Variants in CACNG2 observed in about 807,000 individuals in gnomAD.
The protein encoded by CACNG2 is calcium voltage-gated channel auxiliary subunit gamma 2.
CACNG2 carries 3 observed loss-of-function variants against 25.9 expected under a neutral mutation model. That is an observed-to-expected ratio of 0.12 (90% CI 0.05 to 0.30). CACNG2 has a LOEUF of 0.30. Among genes scored for constraint, CACNG2 ranks in the 10% least tolerant of loss-of-function variants. The pLI is 1.00. For synonymous variants in CACNG2, 167 were observed against 173.3 expected (o/e 0.96, Z 0.29); for missense variants, 341 against 432.5 (o/e 0.79, Z 1.88).
chr22:36,637,473 G>A (rs1936375062), intron 1 of CACNG2, among the ~76,000 whole-genome samples: 1 of 152,110 alleles, frequency 6.6e-6, no homozygotes, highest in Non-Finnish European at 1.5e-5. Flanking sequence ...TGTTTACGTA[G>A]GCAGTAGAGC....
At chr22:36,637,500 CA>C (rs1308506599) in intron 1 of CACNG2, among the ~76,000 whole-genome samples, 4 of 152,156 alleles carry the variant, frequency 2.6e-5, no homozygotes, top group Non-Finnish European at 4.4e-5. Context: ...ATCAGGGGGG[CA>C]GCTTGGAAGT....
chr22:36,591,843 G>A (rs534884138), intron 1 of CACNG2, among the ~76,000 whole-genome samples: 5 of 152,192 alleles, frequency 3.3e-5, no homozygotes, highest in Admixed American at 2.0e-4. Flanking sequence ...CAGTGCTGGG[G>A]ATGGGCAGAC....
intron 1 of CACNG2, among the ~76,000 whole-genome samples, chr22:36,655,484 T>C (rs1426902381): frequency 6.6e-6 from 1 of 152,212 alleles, no homozygotes; most frequent in Non-Finnish European, 1.5e-5. Context: ...CATGTTTGTG[T>C]CCCTTCCATG....
At chr22:36,661,217 C>A (rs1489530790) in intron 1 of CACNG2, among the ~76,000 whole-genome samples, 1 of 152,204 alleles carries the variant, frequency 6.6e-6, no homozygotes, top group African/African-American at 2.4e-5. Flanking sequence ...CCATGTACGT[C>A]GGAGGCAGTA....
intron 1 of CACNG2, among the ~76,000 whole-genome samples, chr22:36,662,034 C>T (rs1424040211): frequency 8.2e-6 from 1 of 122,660 alleles, no homozygotes; most frequent in Admixed American, 1.1e-4. Context: ...GGCTGGAGTG[C>T]AGTGGCATGA....
chr22:36,563,856 A>G lies in CACNG2; in HGVS notation c.*495T>C, dbSNP rs1279977005. On this transcript the variant is annotated 3_prime_UTR_variant, in exon 4 of 4. Transcript: ENST00000300105. ...ACTCTCCCCGAGTTAAAAAAAAAAA[A>G]AAAAAGTAACATAAACCCTGAAAAA... 2 of 151,622 alleles carry G rather than the reference A, an allele frequency of 1.3e-5. No homozygotes were observed. Among genetic ancestry groups the G allele is most frequent in the Non-Finnish European group, 2.9e-5 (2 of 67,926 alleles). The allele number at this position is 151,622 out of a possible 1,614,324, so 9.4% of individuals were successfully genotyped here. A position where few individuals can be genotyped will look rare whatever the true frequency, so the allele number is the denominator to read the frequency against.
chr22:36,564,593 T>A lies in CACNG2; in HGVS notation c.730A>T (p.Thr244Ser). The A allele has an allele frequency of 6.2e-7, 1 of 1,613,934 alleles. No homozygotes were observed. The highest frequency in any genetic ancestry group is 2.2e-5 in the East Asian group (1 of 44,872). The change falls in exon 4 of 4, where the codon ACG becomes TCG. Residue 244 changes from threonine to serine, a missense_variant. By Grantham distance (58) the Thr-to-Ser change is moderately conservative. Coordinates refer to ENST00000300105, the MANE Select transcript of CACNG2 (RefSeq NM_006078.5). This position sits in a 1 kb window ranked among gnomAD's most constrained non-coding sequence, Gnocchi z 6.7. ...QRRSRSSSRS[T>S]EPSHSRDASP... The stretch of plus-strand genomic sequence containing the variant: ...GCGTCCCTGGAGTGTGAGGGCTCCG[T>A]GGAGCGCGAGCTGGAGCGGCTGCGG...
At chr22:36,611,026 GA>G (rs1935931820) in intron 1 of CACNG2, among the ~76,000 whole-genome samples, 1 of 152,214 alleles carries the variant, frequency 6.6e-6, no homozygotes, top group Admixed American at 6.5e-5. Flanking sequence ...TGACACTCTG[GA>G]ATCTGAAGAT....
intron 1 of CACNG2, among the ~76,000 whole-genome samples, chr22:36,642,885 T>C (rs992165451): frequency 5.3e-5 from 8 of 152,350 alleles, no homozygotes; most frequent in Admixed American, 4.6e-4. Flanking sequence ...GCATCACTTA[T>C]GGGCAGATGT....
chr22:36,566,462 G>A lies in CACNG2; in HGVS notation c.327C>T (p.Ile109=), dbSNP rs369577174. ...CCATGAAAAGCAGAATCACACTCAG[G>A]ATTGGGAAAATGCTGGAGGCCCTCA... The part of the protein sequence containing the change: ...RAVRASSIFP[I]LSVILLFMGG... Residue 109 remains isoleucine, a synonymous_variant, in exon 3 of 4, where the codon ATC becomes ATT. Transcript: ENST00000300105. The A allele has an allele frequency of 1.2e-6, 2 of 1,614,144 alleles. No individual in the cohort carries two copies. Among genetic ancestry groups the A allele is most frequent in the South Asian group, 1.1e-5 (1 of 91,088 alleles).
intron 1 of CACNG2, among the ~76,000 whole-genome samples, chr22:36,682,845 T>C (rs1233304898): frequency 1.3e-5 from 2 of 152,192 alleles, no homozygotes; most frequent in Non-Finnish European, 1.5e-5. Context: ...GTGACAAATC[T>C]TCCCGGCATG....
At chr22:36,638,312 T>C (rs1936390232) in intron 1 of CACNG2, among the ~76,000 whole-genome samples, 1 of 152,160 alleles carries the variant, frequency 6.6e-6, no homozygotes, top group African/African-American at 2.4e-5. Flanking sequence ...TTCACACCCT[T>C]CAGAGGCTTC....
chr22:36,673,689 G>A (rs2145994988), intron 1 of CACNG2, among the ~76,000 whole-genome samples: 1 of 152,260 alleles, frequency 6.6e-6, no homozygotes, highest in Non-Finnish European at 1.5e-5. Context: ...CCAGAGCAGA[G>A]GACCGCAGGT....
intron 1 of CACNG2, among the ~76,000 whole-genome samples, chr22:36,629,418 A>C (rs1353971523): frequency 1.3e-5 from 2 of 152,056 alleles, no homozygotes; most frequent in Non-Finnish European, 2.9e-5. Flanking sequence ...CCATAACCAT[A>C]ATGCAAAGTG....
At chr22:36,663,482 A>G (rs982905890) in intron 1 of CACNG2, among the ~76,000 whole-genome samples, 2 of 152,018 alleles carry the variant, frequency 1.3e-5, no homozygotes, top group Non-Finnish European at 2.9e-5. Context: ...TTCTCCAGGC[A>G]TCCTGAGTTT....
At chr22:36,641,229 T>C (rs2044708904) in intron 1 of CACNG2, among the ~76,000 whole-genome samples, 1 of 152,350 alleles carries the variant, frequency 6.6e-6, no homozygotes, top group African/African-American at 2.4e-5. Flanking sequence ...GTTGATTGCC[T>C]CTTTCTTCCT....
intron 2 of CACNG2, among the ~76,000 whole-genome samples, chr22:36,580,229 C>T (rs1935390460): frequency 6.6e-6 from 1 of 152,172 alleles, no homozygotes. Flanking sequence ...CAAAGCCTGC[C>T]TCCCACTGGT....
At chr22:36,661,767 A>T (rs947704252) in intron 1 of CACNG2, among the ~76,000 whole-genome samples, 1 of 152,088 alleles carries the variant, frequency 6.6e-6, no homozygotes, top group Admixed American at 6.6e-5. Context: ...AGGTGGCCTC[A>T]TGGGCCTGGG....
intron 1 of CACNG2, among the ~76,000 whole-genome samples, chr22:36,651,509 G>A (rs1402177384): frequency 3.9e-5 from 6 of 152,040 alleles, no homozygotes; most frequent in East Asian, 1.9e-4. Flanking sequence ...GATTACAGGC[G>A]TGAGCCACTG....
Sources: allele counts gnomAD v4.1 joint callset (sites outside exome capture counted in the v4.1 genomes callset), GRCh38; gene constraint gnomAD v4.1.1; non-coding constraint Gnocchi (gnomAD v3.1); transcripts MANE v1.5; gene names NCBI Gene and HGNC (gene_info 2026-07-23, HGNC 2026-07-21).